CFH: variants seen among roughly 807,000 people sequenced by gnomAD.
CFH encodes complement factor H, also known as H factor 1 (complement).
CFH carries 53 observed loss-of-function variants against 147.3 expected under a neutral mutation model. The ratio of observed to expected loss-of-function variants is 0.36; its 90% CI spans 0.29 to 0.45. The LOEUF (loss-of-function observed/expected upper bound fraction) is 0.45. CFH is among the 20% of genes least tolerant of loss of function. The pLI is 1.00. For synonymous variants in CFH, 536 were observed against 489.4 expected (o/e 1.10, Z -1.26); for missense variants, 1,380 against 1,498.0 (o/e 0.92, Z 1.30).
chr1:196,742,584 G>A lies in CFH; in HGVS notation c.3133+533G>A, dbSNP rs147050370. On this transcript the variant is annotated intron_variant, in intron 19 of 21. Transcript: ENST00000367429. ...TAATCTTAGCTCAATAGTTCTCAAA[G>A]TGTGGTCGCTAAACCGGTAGCATCA... Among the ~76,000 whole-genome samples, 1,057 of 152,254 alleles carry A rather than the reference G, an allele frequency of 6.9e-3. 11 individuals are homozygous for A. The highest frequency in any genetic ancestry group is 8.0e-3 in the Non-Finnish European group (542 of 68,022).
At position 196,679,741 on chromosome 1, in the gene CFH, A is replaced by T; in HGVS notation, c.738A>T (p.Arg246Ser). The T allele has an allele frequency of 6.2e-7, 1 of 1,611,874 alleles. No homozygotes were observed. Among genetic ancestry groups the T allele is most frequent in the Non-Finnish European group, 8.5e-7 (1 of 1,178,524 alleles). The stretch of plus-strand genomic sequence containing the variant: ...ACATGGGTTATGAATACAGTGAAAG[A>T]GGAGATGCTGTATGCACTGAATCTG... ...KCNMGYEYSE[R>S]GDAVCTESGW... Residue 246 changes from arginine (R) to serine (S), a missense_variant, in exon 6 of 22, where the codon AGA becomes AGT. Arg to Ser is a moderately radical substitution (Grantham distance 110). Around this residue, in one of 4 missense-constraint regions of CFH, gnomAD observed 167 missense variants for 228.0 expected, o/e 0.73. Transcript: ENST00000367429.
At chr1:196,708,149 GACAGGCATAGCA>G (rs1268071248) in intron 9 of CFH, among the ~76,000 whole-genome samples, 4 of 152,146 alleles carry the variant, frequency 2.6e-5, no homozygotes, top group Non-Finnish European at 4.4e-5. Context: ...ACAGTGCCTA[GACAGGCATAGCA>G]ACACTGTAGT....
intron 1 of CFH, among the ~76,000 whole-genome samples, chr1:196,661,382 A>G (rs1666898376): frequency 3.3e-5 from 5 of 152,208 alleles, no homozygotes; most frequent in Admixed American, 3.3e-4. Flanking sequence ...CTGCTACAAC[A>G]AAATATTATT....
intron 1 of CFH, among the ~76,000 whole-genome samples, chr1:196,652,766 T>C (rs1045143369): frequency 2.6e-5 from 4 of 151,872 alleles, no homozygotes; most frequent in Non-Finnish European, 5.9e-5. Flanking sequence ...TCAATAGAGA[T>C]TTTTTTCCTG....
chr1:196,710,452 A>G (rs1401537981), intron 9 of CFH, among the ~76,000 whole-genome samples: 1 of 152,118 alleles, frequency 6.6e-6, no homozygotes, highest in Non-Finnish European at 1.5e-5. Context: ...TTTCTCTTCT[A>G]TTCTTCCACG....
chr1:196,666,424 T>A (rs1451079066), intron 1 of CFH, among the ~76,000 whole-genome samples: 1 of 152,064 alleles, frequency 6.6e-6, no homozygotes, highest in Non-Finnish European at 1.5e-5. Context: ...TAACATATAT[T>A]TCCATTATTG....
At chr1:196,692,851 C>A (rs1263218537) in intron 9 of CFH, among the ~76,000 whole-genome samples, 1 of 108,362 alleles carries the variant, frequency 9.2e-6, no homozygotes, top group Admixed American at 1.0e-4. Flanking sequence ...TTCCTTCCCT[C>A]CCTCCCTTCC....
chr1:196,676,775 T>C lies in CFH; in HGVS notation c.428-701T>C, dbSNP rs184638101. On this transcript the variant is annotated intron_variant, in intron 4 of 21. Transcript: ENST00000367429. ...AAATAATGGAAGATTTTTTCATCTA[T>C]GAAAATTGGAGGAAGAAGATTAATG... is the stretch of plus-strand genomic sequence containing the variant. Among the ~76,000 whole-genome samples, 230 of 152,142 alleles carry C rather than the reference T, an allele frequency of 1.5e-3. 1 individual carries two copies. Among genetic ancestry groups the C allele is most frequent in the Non-Finnish European group, 7.8e-4 (53 of 67,984 alleles).
intron 5 of CFH, 68 bp downstream of exon 5, chr1:196,677,735 C>T (rs1667508474): frequency 6.4e-6 from 9 of 1,405,542 alleles, no homozygotes; most frequent in Non-Finnish European, 8.1e-6. Context: ...AAACATCGTT[C>T]ATTCTAAGGA....
At chr1:196,711,182 T>A (rs1008374491) in intron 9 of CFH, among the ~76,000 whole-genome samples, 2 of 152,112 alleles carry the variant, frequency 1.3e-5, no homozygotes, top group Non-Finnish European at 2.9e-5. Context: ...TTATTTCATC[T>A]CTGATCTTTA....
chr1:196,657,445 A>T (rs1666741647), intron 1 of CFH, among the ~76,000 whole-genome samples: 1 of 152,180 alleles, frequency 6.6e-6, no homozygotes, highest in Admixed American at 6.5e-5. Flanking sequence ...TCAAAAATAC[A>T]GTATTGGTGG....
intron 8 of CFH, 125 bp downstream of exon 8, chr1:196,689,739 G>A: frequency 2.8e-6 from 3 of 1,052,928 alleles, no homozygotes; most frequent in Admixed American, 4.1e-5. Flanking sequence ...AGTTGTTCAA[G>A]CAAAGTGACC....
intron 17 of CFH, among the ~76,000 whole-genome samples, chr1:196,739,922 T>A (rs1006065779): frequency 1.3e-5 from 2 of 152,218 alleles, no homozygotes; most frequent in African/African-American, 2.4e-5. Flanking sequence ...CAATTCCACA[T>A]GGCTGGGAGG....
At chr1:196,692,647 G>A (rs1465149093) in intron 9 of CFH, among the ~76,000 whole-genome samples, 1 of 74,572 alleles carries the variant, frequency 1.3e-5, no homozygotes, top group Non-Finnish European at 2.7e-5. Flanking sequence ...TCCTTTCTTT[G>A]TCTACGTTTC....
intron 2 of CFH, 33 bp downstream of exon 2, chr1:196,673,196 A>T: frequency 6.4e-7 from 1 of 1,558,020 alleles, no homozygotes; most frequent in Non-Finnish European, 8.8e-7. Flanking sequence ...AAATTTATGA[A>T]AACTAGGTGT....
chr1:196,725,344 A>G (rs754356973), intron 12 of CFH, 47 bp downstream of exon 12: 20 of 1,576,550 alleles, frequency 1.3e-5, no homozygotes, highest in East Asian at 2.2e-5. Flanking sequence ...AGAACTTTGA[A>G]TACCAACTTT....
chr1:196,708,581 C>A (rs1382543999), intron 9 of CFH, among the ~76,000 whole-genome samples: 1 of 150,590 alleles, frequency 6.6e-6, no homozygotes, highest in Non-Finnish European at 1.5e-5. Context: ...AAAAAGATCC[C>A]TAGTTCAATT....
At chr1:196,671,779 C>A (rs1440885380) in intron 1 of CFH, among the ~76,000 whole-genome samples, 1 of 148,246 alleles carries the variant, frequency 6.7e-6, no homozygotes, top group East Asian at 2.0e-4. Flanking sequence ...ATAATAAAAG[C>A]CATTTATATA....
At position 196,714,635 on chromosome 1, in the gene CFH, G is replaced by GTGTATATATGTA. The variant is rs1392624278; in HGVS notation, c.1519+719_1519+720insGTATATATGTAT. Among the ~76,000 whole-genome samples, 24 of 24,924 alleles carry GTGTATATATGTA rather than the reference G, an allele frequency of 9.6e-4. 1 individual carries two copies. Among genetic ancestry groups the GTGTATATATGTA allele is most frequent in the African/African-American group, 3.8e-3 (23 of 5,998 alleles). 16.4% of individuals were successfully genotyped at this position (24,924 alleles called of 152,430 possible). On this transcript the variant is annotated intron_variant, in intron 10 of 21. Transcript: ENST00000367429. ...TGTGTGTGTGTGTATACGTATATAT[G>GTGTATATATGTA]TATATATATATATATATATATATAT...
Sources: gnomAD v4.1 joint callset for allele counts (sites outside exome capture counted in the v4.1 genomes callset) on GRCh38, gnomAD v4.1.1 for gene constraint, gnomAD v4.1.1 regional missense constraint, MANE v1.5 for transcripts, NCBI Gene and HGNC (gene_info 2026-07-23, HGNC 2026-07-21) for gene names.